TMED5: variants seen among roughly 807,000 people sequenced by gnomAD.
The protein encoded by TMED5 is transmembrane p24 trafficking protein 5.
TMED5 carries 27 observed loss-of-function variants against 23.0 expected under a neutral mutation model. The ratio of observed to expected loss-of-function variants is 1.17; its 90% CI spans 0.86 to 1.62. The LOEUF is 1.62. Among genes scored for constraint, TMED5 ranks in the 40% most tolerant of loss-of-function variants. TMED5 has a pLI of 0.00. For synonymous variants in TMED5, 97 were observed against 100.8 expected (o/e 0.96, Z 0.23); for missense variants, 248 against 273.7 (o/e 0.91, Z 0.66).
At position 93,163,533 on chromosome 1, in the gene TMED5, G is replaced by A. The variant is rs149418970; in HGVS notation, c.190-3307C>T. 7.8e-3 allele frequency among the ~76,000 whole-genome samples: 1,185 copies of A among 151,400 alleles called. 21 individuals carry two copies. Among genetic ancestry groups the A allele is most frequent in the African/African-American group, 0.027 (1,129 of 41,354 alleles). On this transcript the variant is annotated intron_variant, in intron 1 of 3. Transcript: ENST00000370282. ...CTATTTTTGTATTTTGTAGAGATGG[G>A]GTTTCACCATGTTGGCCAAGCTGGT...
intron 1 of TMED5, among the ~76,000 whole-genome samples, chr1:93,172,606 A>G (rs1648767094): frequency 6.6e-6 from 1 of 152,182 alleles, no homozygotes; most frequent in Non-Finnish European, 1.5e-5. Flanking sequence ...GGAGTTACAC[A>G]GCAAGACCTC....
At chr1:93,168,573 C>T (rs571568669) in intron 1 of TMED5, among the ~76,000 whole-genome samples, 5 of 152,200 alleles carry the variant, frequency 3.3e-5, no homozygotes, top group East Asian at 3.9e-4. Context: ...TGGTGGCTCA[C>T]GCCTGTAATC....
intron 1 of TMED5, among the ~76,000 whole-genome samples, chr1:93,172,468 GA>G (rs1369213314): frequency 2.7e-5 from 4 of 149,476 alleles, no homozygotes; most frequent in South Asian, 4.2e-4. Context: ...AGCACTAAAA[GA>G]AAAAAAAAGA....
chr1:93,156,136 A>G, intron 3 of TMED5, 164 bp downstream of exon 3: 1 of 1,155,922 alleles, frequency 8.7e-7, no homozygotes, highest in Non-Finnish European at 1.2e-6. Flanking sequence ...AATATAAAAT[A>G]AAATTAAGCT....
intron 1 of TMED5, among the ~76,000 whole-genome samples, chr1:93,176,722 G>C (rs906088585): frequency 6.6e-6 from 1 of 152,090 alleles, no homozygotes; most frequent in Non-Finnish European, 1.5e-5. Context: ...GTAGAGATGG[G>C]GTCTTGCTAT....
At chr1:93,176,564 G>A (rs940111054) in intron 1 of TMED5, among the ~76,000 whole-genome samples, 1 of 151,688 alleles carries the variant, frequency 6.6e-6, no homozygotes, top group Non-Finnish European at 1.5e-5. Context: ...GCAGGGTCTC[G>A]CTCTTGTCAC....
rs1275174136 is a variant in TMED5, at chr1:93,151,340, T to C, written c.*3330A>G. On this transcript the variant is annotated 3_prime_UTR_variant, in exon 4 of 4. Coordinates refer to ENST00000370282, the MANE Select transcript of TMED5 (RefSeq NM_016040.5). ...AATAATAACCTACCTACACCAAGCA[T>C]TGTACTTTTCCTATATGCTAACAAG... 3 of 152,224 alleles carry C rather than the reference T, an allele frequency of 2.0e-5. No individual in the cohort carries two copies. The highest frequency in any genetic ancestry group is 4.4e-5 in the Non-Finnish European group (3 of 68,040). 9.4% of individuals were successfully genotyped at this position (152,224 alleles called of 1,614,324 possible). A position where few individuals can be genotyped will look rare whatever the true frequency, so the allele number is the denominator to read the frequency against.
rs543291504 is a variant in TMED5, at chr1:93,158,960, T to C, written c.287+1169A>G. 2.7e-4 allele frequency: 140 copies of C among 519,828 alleles called. 1 individual carries two copies. Among genetic ancestry groups the C allele is most frequent in the South Asian group, 1.1e-3 (13 of 11,986 alleles). 32.2% of individuals were successfully genotyped at this position (519,828 alleles called of 1,614,324 possible). Reference sequence around the variant, plus strand: ...TTTAAAATTACTATTTCTATCTTATTTAGTAATAGCTTATGCAAATATTTT... The same window carrying C: ...TTTAAAATTACTATTTCTATCTTATCTAGTAATAGCTTATGCAAATATTTT... On this transcript the variant is annotated intron_variant, in intron 2 of 3. Transcript: ENST00000370282.
At position 93,151,020 on chromosome 1, in the gene TMED5, C is replaced by G; in HGVS notation, c.*3650G>C. The G allele has an allele frequency of 6.6e-6, 1 of 152,298 alleles. No individual in the cohort carries two copies. The highest frequency in any genetic ancestry group is 1.9e-4 in the East Asian group (1 of 5,184). 9.4% of individuals were successfully genotyped at this position (152,298 alleles called of 1,614,324 possible). On this transcript the variant is annotated 3_prime_UTR_variant, in exon 4 of 4. Transcript: ENST00000370282. ...ATTTTAATTCATGGTCAGTGAAGAC[C>G]TTCAGGATTTTCCCTGCCCTGCATT...
intron 3 of TMED5, 58 bp from the exon 4 acceptor site, chr1:93,154,946 T>G: frequency 7.7e-7 from 1 of 1,293,998 alleles, no homozygotes; most frequent in Non-Finnish European, 1.1e-6. Flanking sequence ...TTAACTTAAT[T>G]AAAAAATGAG....
At chr1:93,160,346 G>T (rs2101133906) in intron 1 of TMED5, 120 bp from the exon 2 acceptor site, 1 of 566,670 alleles carries the variant, frequency 1.8e-6, no homozygotes, top group Non-Finnish European at 3.1e-6. Context: ...AGTCATCAGT[G>T]ATGTCTGAGC....
chr1:93,173,726 T>G (rs1648810849), intron 1 of TMED5, among the ~76,000 whole-genome samples: 1 of 152,222 alleles, frequency 6.6e-6, no homozygotes, highest in Admixed American at 6.5e-5. Flanking sequence ...TCAGTCCTAT[T>G]CAGACTTCCA....
At chr1:93,174,020 C>T (rs373633396) in intron 1 of TMED5, among the ~76,000 whole-genome samples, 1 of 152,110 alleles carries the variant, frequency 6.6e-6, no homozygotes, top group African/African-American at 2.4e-5. Flanking sequence ...TGCAGCAGCA[C>T]GATCTCGGCT....
At chr1:93,162,193 T>A (rs1557574221) in intron 1 of TMED5, 1 of 152,114 alleles carries the variant, frequency 6.6e-6, no homozygotes, top group Non-Finnish European at 1.5e-5. Flanking sequence ...ATATAAAAAA[T>A]TACCTACTCC....
At chr1:93,156,007 C>G in intron 3 of TMED5, 1 of 1,275,062 alleles carries the variant, frequency 7.8e-7, no homozygotes. Context: ...TTTAAAAATT[C>G]TAACTGCACA....
chr1:93,169,163 T>A (rs1648610099), intron 1 of TMED5, among the ~76,000 whole-genome samples: 1 of 152,208 alleles, frequency 6.6e-6, no homozygotes, highest in Non-Finnish European at 1.5e-5. Context: ...CAAGCTCATA[T>A]GGAACATTCA....
In TMED5 at chr1:93,153,950, C is replaced by T. The variant is rs866340718; in HGVS notation, c.*720G>A. The T allele has an allele frequency of 6.6e-6, 1 of 152,500 alleles. No homozygotes were observed. The highest frequency in any genetic ancestry group is 1.5e-5 in the Non-Finnish European group (1 of 67,974). 9.4% of individuals were successfully genotyped at this position (152,500 alleles called of 1,614,324 possible). A position where few individuals can be genotyped will look rare whatever the true frequency, so the allele number is the denominator to read the frequency against. ...CCCTATGGAGGAGGAAGCTTTTAAA[C>T]TATATTCTTCATTTCAAAGAGAAAA... On this transcript the variant is annotated 3_prime_UTR_variant, in exon 4 of 4. Coordinates refer to ENST00000370282, the MANE Select transcript of TMED5 (RefSeq NM_016040.5).
chr1:93,177,134 A>C (rs1027461449), intron 1 of TMED5, among the ~76,000 whole-genome samples: 7 of 152,240 alleles, frequency 4.6e-5, no homozygotes, highest in African/African-American at 1.7e-4. Context: ...AGTAGGATGT[A>C]GTTACTGGGA....
chr1:93,156,710 G>A (rs1408568052), intron 2 of TMED5, among the ~76,000 whole-genome samples: 1 of 149,314 alleles, frequency 6.7e-6, no homozygotes, highest in Non-Finnish European at 1.5e-5. Flanking sequence ...AAAATTAGCA[G>A]AGTGTGAGGA....
Sources: allele counts gnomAD v4.1 joint callset (sites outside exome capture counted in the v4.1 genomes callset), GRCh38; gene constraint gnomAD v4.1.1; transcripts MANE v1.5; gene names NCBI Gene and HGNC (gene_info 2026-07-23, HGNC 2026-07-21).